LAMC2: variants seen among roughly 807,000 people sequenced by gnomAD.
LAMC2 encodes the protein laminin subunit gamma 2.
In LAMC2, 97 loss-of-function variants were observed where a neutral mutation model predicts 140.2. That is an observed-to-expected ratio of 0.69 (90% CI 0.59 to 0.82). The LOEUF (loss-of-function observed/expected upper bound fraction) is 0.82. LAMC2 is among the 40% of genes least tolerant of loss of function. LAMC2 has a pLI of 0.00. For missense variants in LAMC2, 1,402 were observed against 1,476.1 expected (o/e 0.95, Z 0.82); for synonymous variants, 513 against 540.2 (o/e 0.95, Z 0.70).
At position 183,232,723 on chromosome 1, in the gene LAMC2, G is replaced by A. The variant is rs370211683; in HGVS notation, c.2086G>A (p.Asp696Asn). 5.6e-6 allele frequency: 9 copies of A among 1,613,812 alleles called. No homozygotes were observed. Among genetic ancestry groups the A allele is most frequent in the Non-Finnish European group, 7.6e-6 (9 of 1,179,984 alleles). ...SQENSYQSRL[D>N]DLKMTVERVR... ...AGAGAACAGCTACCAGAGCCGCCTG[G>A]ATGACCTCAAGATGACTGTGGAAAG... is the stretch of plus-strand genomic sequence containing the variant. The change falls in exon 14 of 23, where the codon GAT becomes AAT. Residue 696 changes from aspartate (D) to asparagine (N), a missense_variant. Coordinates refer to ENST00000264144, the MANE Select transcript of LAMC2 (RefSeq NM_005562.3).
chr1:183,240,544 G>A (rs770364441), intron 22 of LAMC2, 153 bp downstream of exon 22: 1 of 1,453,618 alleles, frequency 6.9e-7, no homozygotes, highest in Non-Finnish European at 9.0e-7. Flanking sequence ...ATAACTTTCG[G>A]CAGGTTCCCT....
chr1:183,230,238 A>G (rs949413850), intron 11 of LAMC2, among the ~76,000 whole-genome samples: 7 of 152,224 alleles, frequency 4.6e-5, no homozygotes, highest in African/African-American at 1.7e-4. Context: ...ATAATGGTGA[A>G]TAAGTCATCC....
At chr1:183,234,043 T>A (rs1057177394) in intron 14 of LAMC2, among the ~76,000 whole-genome samples, 2 of 152,190 alleles carry the variant, frequency 1.3e-5, no homozygotes, top group South Asian at 2.1e-4. Flanking sequence ...TGCACCACCA[T>A]GCCTGGCTAA....
intron 15 of LAMC2, 68 bp from the exon 16 acceptor site, chr1:183,235,507 G>A: frequency 1.9e-6 from 3 of 1,576,748 alleles, no homozygotes; most frequent in South Asian, 2.3e-5. Context: ...TGCCCTTCGT[G>A]TAACTGAACA....
intron 1 of LAMC2, among the ~76,000 whole-genome samples, chr1:183,190,242 T>C (rs1005716): frequency 0.26 from 39,013 of 152,056 alleles, 6,331 homozygotes; most frequent in African/African-American, 0.47. Context: ...ACTTAATACA[T>C]GTTAATAGAT....
chr1:183,248,962 TAAGTAC>T (rs1023262877), downstream of LAMC2: 1 of 151,232 alleles, frequency 6.6e-6, no homozygotes, highest in Non-Finnish European at 1.5e-5. Flanking sequence ...ATTGGGCTGG[TAAGTAC>T]AAGTTTTTTC....
chr1:183,236,193 C>A (rs1250021008), intron 16 of LAMC2, among the ~76,000 whole-genome samples: 1 of 151,846 alleles, frequency 6.6e-6, no homozygotes, highest in African/African-American at 2.4e-5. Flanking sequence ...TAACTACATA[C>A]TTTCAAGACA....
At chr1:183,219,393 G>C (rs1477407845) in intron 4 of LAMC2, among the ~76,000 whole-genome samples, 1 of 152,118 alleles carries the variant, frequency 6.6e-6, no homozygotes, top group East Asian at 1.9e-4. Flanking sequence ...GAAATAGAAT[G>C]CCACATAAAA....
intron 22 of LAMC2, among the ~76,000 whole-genome samples, chr1:183,242,117 A>G (rs1416850204): frequency 2.0e-5 from 3 of 152,172 alleles, no homozygotes; most frequent in African/African-American, 4.8e-5. Flanking sequence ...ATCCAAACTG[A>G]TATCTTTTTG....
chr1:183,201,629 G>T (rs1413520050), intron 1 of LAMC2, among the ~76,000 whole-genome samples: 1 of 152,252 alleles, frequency 6.6e-6, no homozygotes, highest in Non-Finnish European at 1.5e-5. Context: ...AACCCCCTTG[G>T]CTGGGTGCGG....
At chr1:183,208,391 A>C (rs941655758) in intron 2 of LAMC2, among the ~76,000 whole-genome samples, 1 of 152,126 alleles carries the variant, frequency 6.6e-6, no homozygotes, top group African/African-American at 2.4e-5. Context: ...CAGGCAGGTG[A>C]CAGTCTTTTG....
downstream of LAMC2, among the ~76,000 whole-genome samples, chr1:183,247,935 T>C (rs1376775167): frequency 1.3e-5 from 2 of 152,264 alleles, no homozygotes; most frequent in Admixed American, 1.3e-4. Context: ...ACTAATTTCA[T>C]TGAGGAGCCA....
intron 16 of LAMC2, among the ~76,000 whole-genome samples, 162 bp downstream of exon 16, chr1:183,235,892 T>C (rs2102245865): frequency 6.6e-6 from 1 of 152,310 alleles, no homozygotes; most frequent in African/African-American, 2.4e-5. Context: ...GAAAAGCAGA[T>C]ATTTTTAAGA....
chr1:183,232,480 T>G, intron 13 of LAMC2, 137 bp downstream of exon 13: 1 of 1,125,672 alleles, frequency 8.9e-7, no homozygotes, highest in South Asian at 1.3e-5. Context: ...GTGGAAGGAC[T>G]GTCTGTGGCA....
At chr1:183,203,901 G>T (rs1658802071) in intron 1 of LAMC2, among the ~76,000 whole-genome samples, 1 of 152,122 alleles carries the variant, frequency 6.6e-6, no homozygotes, top group Non-Finnish European at 1.5e-5. Context: ...TTTGCAATAG[G>T]CTTAGAATCT....
rs3738824 is a variant in LAMC2, at chr1:183,223,361, A to G, written c.953+37A>G. 213,069 of 1,572,050 alleles carry G rather than the reference A, an allele frequency of 0.14. 15,217 individuals carry two copies. Among genetic ancestry groups the G allele is most frequent in the East Asian group, 0.22 (9,758 of 44,664 alleles). ...GACCATAAGTAGGTCAATTAGAGCA[A>G]ACTATGATTGAAGTTCAAGTTTGTT... On this transcript the variant is annotated intron_variant, in intron 7 of 22. Coordinates refer to ENST00000264144, the MANE Select transcript of LAMC2 (RefSeq NM_005562.3).
At chr1:183,213,502 A>G (rs1254556164) in intron 2 of LAMC2, among the ~76,000 whole-genome samples, 1 of 152,228 alleles carries the variant, frequency 6.6e-6, no homozygotes, top group East Asian at 1.9e-4. Flanking sequence ...ACTAATCATT[A>G]CAGATACTTA....
In LAMC2 at chr1:183,193,464, A is replaced by G. The variant is rs75553195; in HGVS notation, c.79+7033A>G. Among the ~76,000 whole-genome samples the G allele has an allele frequency of 3.5e-3, 534 of 152,164 alleles. 2 individuals are homozygous for G. The highest frequency in any genetic ancestry group is 0.012 in the African/African-American group (506 of 41,494). ...CTTGTAAGTTTTGGAGTCTTTCAGA[A>G]AGAGGTCTGTTTCATGGCCAGAATG... is the stretch of plus-strand genomic sequence containing the variant. On this transcript the variant is annotated intron_variant, in intron 1 of 22. Coordinates refer to ENST00000264144, the MANE Select transcript of LAMC2 (RefSeq NM_005562.3).
chr1:183,201,967 A>T (rs1264099573), intron 1 of LAMC2, among the ~76,000 whole-genome samples: 1 of 152,196 alleles, frequency 6.6e-6, no homozygotes, highest in African/African-American at 2.4e-5. Context: ...ATCTAAGGTG[A>T]CCTTGATGGA....
Sources: gnomAD v4.1 joint callset for allele counts (sites outside exome capture counted in the v4.1 genomes callset) on GRCh38, gnomAD v4.1.1 for gene constraint, MANE v1.5 for transcripts, NCBI Gene and HGNC (gene_info 2026-07-23, HGNC 2026-07-21) for gene names.